The following PACS1 variants were observed in gnomAD, a reference collection of about 807,000 sequenced individuals.
PACS1 encodes the protein PACS-1.
Under a neutral mutation model 115.0 loss-of-function variants are expected in PACS1, and 24 were observed. That is an observed-to-expected ratio of 0.21 (90% CI 0.15 to 0.29). PACS1 has a LOEUF of 0.29. Ranked by LOEUF, PACS1 falls within the 10% of genes least tolerant of loss-of-function variation. PACS1 has a pLI of 1.00. For synonymous variants in PACS1, 453 were observed against 504.5 expected (o/e 0.90, Z 1.37); for missense variants, 838 against 1,251.2 (o/e 0.67, Z 4.98).
intron 1 of PACS1, among the ~76,000 whole-genome samples, chr11:66,080,732 A>G (rs978084781): frequency 2.6e-5 from 4 of 152,218 alleles, no homozygotes; most frequent in Non-Finnish European, 5.9e-5. Context: ...TAGCTGACAA[A>G]TAATATTTAA....
rs2134744358 is a variant in PACS1, at chr11:66,236,199, AGTGT to A, written c.2250+260_2250+263del. Among the ~76,000 whole-genome samples, 1 of 152,260 alleles carries A rather than the reference AGTGT, an allele frequency of 6.6e-6. No homozygotes were observed. Among genetic ancestry groups the A allele is most frequent in the East Asian group, 1.9e-4 (1 of 5,168 alleles). ...CGCAGCAGAGAATGGCTTGGCCCCA[AGTGT>A]CAGTAGTGCAGAGGTGGAGAAACCC... On this transcript the variant is annotated intron_variant, in intron 19 of 23. Coordinates refer to ENST00000320580, the MANE Select transcript of PACS1 (RefSeq NM_018026.4). This position sits in a 1 kb window ranked among gnomAD's most constrained non-coding sequence, Gnocchi z 4.2.
chr11:66,184,694 A>G (rs1165718581), intron 1 of PACS1, among the ~76,000 whole-genome samples: 1 of 152,192 alleles, frequency 6.6e-6, no homozygotes, highest in Non-Finnish European at 1.5e-5. Context: ...CTTTTGTGTA[A>G]TTCAGAACTT....
chr11:66,139,489 C>A (rs77074943), intron 1 of PACS1, among the ~76,000 whole-genome samples: 1 of 151,922 alleles, frequency 6.6e-6, no homozygotes, highest in Non-Finnish European at 1.5e-5. Context: ...CATCCACCCC[C>A]CTAACCCCAC....
intron 1 of PACS1, chr11:66,084,104 G>A (rs1857528939): frequency 6.6e-6 from 1 of 152,342 alleles, no homozygotes; most frequent in African/African-American, 2.4e-5. Flanking sequence ...CAAATATTAG[G>A]GTGTGTTGGA....
intron 2 of PACS1, 87 bp downstream of exon 2, chr11:66,193,660 A>C (rs1027100185): frequency 4.6e-6 from 4 of 860,842 alleles, no homozygotes; most frequent in Non-Finnish European, 7.7e-6. Context: ...CACTACTGGG[A>C]CCACCTCTGT....
chr11:66,158,172 T>G (rs1235458764), intron 1 of PACS1, among the ~76,000 whole-genome samples: 2 of 152,192 alleles, frequency 1.3e-5, no homozygotes, highest in Non-Finnish European at 2.9e-5. Context: ...TTTTGCCATG[T>G]TGCCCAGACT....
intron 1 of PACS1, among the ~76,000 whole-genome samples, chr11:66,166,273 G>A (rs1450614776): frequency 1.3e-5 from 2 of 152,052 alleles, no homozygotes; most frequent in African/African-American, 4.8e-5. Context: ...TCAGCCTCCC[G>A]AGTAGCTGGG....
At chr11:66,200,535 C>A (rs1052575709) in intron 2 of PACS1, among the ~76,000 whole-genome samples, 2 of 149,002 alleles carry the variant, frequency 1.3e-5, no homozygotes, top group African/African-American at 4.9e-5. Context: ...GATTTCAAGA[C>A]AAAAATTGTA....
chr11:66,238,529 C>CT, intron 19 of PACS1: 1 of 360,760 alleles, frequency 2.8e-6, no homozygotes, highest in Non-Finnish European at 4.8e-6. Context: ...GAGATGGAGT[C>CT]TCGCTCTGTC....
At chr11:66,108,037 C>T (rs1010196902) in intron 1 of PACS1, among the ~76,000 whole-genome samples, 7 of 152,154 alleles carry the variant, frequency 4.6e-5, no homozygotes, top group Admixed American at 1.3e-4. Flanking sequence ...CAGCTGCCAA[C>T]AAGGCCAAGA....
At chr11:66,075,167 TCTC>T (rs1857374453) in intron 1 of PACS1, among the ~76,000 whole-genome samples, 2 of 152,094 alleles carry the variant, frequency 1.3e-5, no homozygotes, top group African/African-American at 4.8e-5. Context: ...ATGGTCTCGA[TCTC>T]CTGAGCTTGT....
intron 1 of PACS1, among the ~76,000 whole-genome samples, chr11:66,120,149 T>TA: frequency 4.2e-3 from 1 of 240 alleles, no homozygotes; most frequent in African/African-American, 7.0e-3. Flanking sequence ...CTGTGAACTC[T>TA]TTTTTTTTTT....
At chr11:66,222,430 C>G (rs1365938663) in intron 10 of PACS1, among the ~76,000 whole-genome samples, 3 of 152,054 alleles carry the variant, frequency 2.0e-5, no homozygotes, top group Admixed American at 6.5e-5. Context: ...TCCGCCCCTC[C>G]TAGAAAGGCC....
rs1031073556 is a variant in PACS1 at position 66,106,492 on chromosome 11, A to G, written c.356+35650A>G. ...AAGGCTGAGACATGAGAATCACTTG[A>G]ACCCGGGGAGGTTGCAGTGAGCTGA... On this transcript the variant is annotated intron_variant, in intron 1 of 23. Coordinates refer to ENST00000320580, the MANE Select transcript of PACS1 (RefSeq NM_018026.4). Among the ~76,000 whole-genome samples, 8 of 152,132 alleles carry G rather than the reference A, an allele frequency of 5.3e-5. 1 individual carries two copies. Among genetic ancestry groups the G allele is most frequent in the Admixed American group, 3.3e-4 (5 of 15,268 alleles).
At chr11:66,118,558 G>A (rs953512891) in intron 1 of PACS1, among the ~76,000 whole-genome samples, 1 of 152,138 alleles carries the variant, frequency 6.6e-6, no homozygotes, top group African/African-American at 2.4e-5. Flanking sequence ...GCTGCAGTGA[G>A]CCATGATTGT....
intron 1 of PACS1, among the ~76,000 whole-genome samples, chr11:66,102,805 C>T (rs1003406364): frequency 2.4e-4 from 36 of 152,010 alleles, no homozygotes; most frequent in African/African-American, 7.7e-4. Context: ...GTGAGATGAC[C>T]TGTGAGTTTT....
At position 66,235,547 on chromosome 11, in the gene PACS1, C is replaced by A. The variant is rs980183721; in HGVS notation, c.2207+144C>A. 3.1e-6 allele frequency: 2 copies of A among 654,382 alleles called. No homozygotes were observed. The highest frequency in any genetic ancestry group is 5.5e-5 in the East Asian group (2 of 36,424). 40.5% of individuals were successfully genotyped at this position (654,382 alleles called of 1,614,324 possible). A position where few individuals can be genotyped will look rare whatever the true frequency, so the allele number is the denominator to read the frequency against. On this transcript the variant is annotated intron_variant, in intron 18 of 23. Transcript: ENST00000320580. This position sits in a 1 kb window ranked among gnomAD's most constrained non-coding sequence, Gnocchi z 5.6. ...AAAAGGATATGAGTGGTTTTTACCA[C>A]CACCTCCCCAGCACTCCTTCCTTGC... is the stretch of plus-strand genomic sequence containing the variant.
chr11:66,153,536 C>T (rs936868076), intron 1 of PACS1, among the ~76,000 whole-genome samples: 1 of 152,156 alleles, frequency 6.6e-6, no homozygotes, highest in African/African-American at 2.4e-5. Flanking sequence ...AATCCCAGCA[C>T]TTTGGGAGGC....
At chr11:66,145,072 G>A (rs1859087884) in intron 1 of PACS1, among the ~76,000 whole-genome samples, 1 of 152,190 alleles carries the variant, frequency 6.6e-6, no homozygotes, top group South Asian at 2.1e-4. Flanking sequence ...GTTACAGTGA[G>A]GAAGTCAAAA....
Sources: allele counts gnomAD v4.1 joint callset (sites outside exome capture counted in the v4.1 genomes callset), GRCh38; gene constraint gnomAD v4.1.1; non-coding constraint Gnocchi (gnomAD v3.1); transcripts MANE v1.5; gene names NCBI Gene and HGNC (gene_info 2026-07-23, HGNC 2026-07-21).